The following WWTR1 variants were observed in gnomAD, a reference collection of about 807,000 sequenced individuals.
WWTR1 encodes the protein WW domain-containing transcription regulator protein 1.
Under a neutral mutation model 40.1 loss-of-function variants are expected in WWTR1, and 13 were observed. That is an observed-to-expected ratio of 0.32 (90% CI 0.21 to 0.52). The LOEUF is 0.52. Among genes scored for constraint, WWTR1 ranks in the 20% least tolerant of loss-of-function variants. WWTR1 has a pLI of 0.97. For synonymous variants in WWTR1, 230 were observed against 210.1 expected (o/e 1.09, Z -0.82); for missense variants, 436 against 523.1 (o/e 0.83, Z 1.63).
At chr3:149,715,893 C>T (rs1715596684) in intron 5 of WWTR1, among the ~76,000 whole-genome samples, 1 of 152,052 alleles carries the variant, frequency 6.6e-6, no homozygotes, top group African/African-American at 2.4e-5. Flanking sequence ...ACATATTTAA[C>T]TGGATAAAAA....
intron 2 of WWTR1, among the ~76,000 whole-genome samples, chr3:149,653,325 A>G (rs1713007579): frequency 1.3e-5 from 2 of 152,218 alleles, no homozygotes; most frequent in Non-Finnish European, 2.9e-5. Flanking sequence ...AGGTTGCCCA[A>G]CACCCCAGCC....
At chr3:149,564,112 G>A (rs138153021) in intron 3 of WWTR1, among the ~76,000 whole-genome samples, 2 of 152,290 alleles carry the variant, frequency 1.3e-5, no homozygotes, top group African/African-American at 4.8e-5. Context: ...AGTCATCTGA[G>A]CACTCGAAAA....
At chr3:149,686,163 A>C (rs1191083308) in intron 1 of WWTR1, among the ~76,000 whole-genome samples, 2 of 152,186 alleles carry the variant, frequency 1.3e-5, no homozygotes, top group African/African-American at 4.8e-5. Context: ...TGTTTGGCTG[A>C]TGCAGTGCCC....
rs1015836236 is a variant in WWTR1, at chr3:149,533,850, A to G, written c.772-5881T>C. Among the ~76,000 whole-genome samples the G allele has an allele frequency of 1.1e-4, 17 of 152,120 alleles. No individual in the cohort carries two copies. In the South Asian group the frequency reaches 3.5e-3, roughly 32 times the overall value. The stretch of plus-strand genomic sequence containing the variant: ...TATAATGGACCTGGCACATTGACGC[A>G]GTTAACAGAACAAGCTGCTGATAGT... On this transcript the variant is annotated intron_variant, in intron 4 of 6. Coordinates refer to ENST00000360632, the MANE Select transcript of WWTR1 (RefSeq NM_015472.6).
intron 2 of WWTR1, among the ~76,000 whole-genome samples, chr3:149,630,122 A>C (rs578169442): frequency 7.8e-4 from 119 of 152,218 alleles, no homozygotes; most frequent in Non-Finnish European, 1.2e-3. Flanking sequence ...CTGGGATTAC[A>C]GGTGTGAGCC....
At chr3:149,680,333 C>G (rs1411210542) in intron 1 of WWTR1, among the ~76,000 whole-genome samples, 2 of 152,164 alleles carry the variant, frequency 1.3e-5, no homozygotes, top group African/African-American at 4.8e-5. Flanking sequence ...CACCTGAGGT[C>G]AGGAGTTCAA....
intron 2 of WWTR1, among the ~76,000 whole-genome samples, chr3:149,583,163 A>G (rs1221160783): frequency 5.3e-5 from 8 of 152,138 alleles, no homozygotes; most frequent in African/African-American, 1.9e-4. Flanking sequence ...GCAGGGTTTC[A>G]CCATGTTGGC....
intron 2 of WWTR1, among the ~76,000 whole-genome samples, chr3:149,599,420 C>T (rs1342986636): frequency 6.6e-6 from 1 of 152,222 alleles, no homozygotes; most frequent in African/African-American, 2.4e-5. Flanking sequence ...TTGCAAATGG[C>T]TGGGAAATAT....
intron 4 of WWTR1, among the ~76,000 whole-genome samples, chr3:149,536,704 T>C (rs1484221284): frequency 1.3e-5 from 2 of 151,082 alleles, no homozygotes; most frequent in African/African-American, 4.9e-5. Flanking sequence ...CCAGGCTTAG[T>C]CAGCATTTTT....
intron 2 of WWTR1, among the ~76,000 whole-genome samples, chr3:149,626,669 A>ACT: frequency 1.3e-5 from 2 of 152,146 alleles, no homozygotes; most frequent in African/African-American, 4.8e-5. Context: ...AAGGGAAGAT[A>ACT]CCAGAGGTAT....
intron 2 of WWTR1, among the ~76,000 whole-genome samples, chr3:149,616,589 CG>C (rs369069997): frequency 0.031 from 4,694 of 152,042 alleles, 245 homozygotes; most frequent in East Asian, 0.22. Context: ...ATTACAGGGA[CG>C]TGCCACCACA....
chr3:149,589,670 A>G (rs1230740756), intron 2 of WWTR1, among the ~76,000 whole-genome samples: 1 of 150,270 alleles, frequency 6.7e-6, no homozygotes, highest in Non-Finnish European at 1.5e-5. Context: ...TAATGGTGTT[A>G]AAATGAAAGG....
intron 3 of WWTR1, among the ~76,000 whole-genome samples, chr3:149,554,499 C>T (rs1279408743): frequency 6.6e-6 from 1 of 152,194 alleles, no homozygotes; most frequent in Admixed American, 6.5e-5. Flanking sequence ...ATCTAGGCAA[C>T]TCTCCTTTTT....
chr3:149,576,219 G>A (rs1576573152), intron 2 of WWTR1: 1 of 402,044 alleles, frequency 2.5e-6, no homozygotes, highest in East Asian at 7.2e-5. Flanking sequence ...CAACAAGTAA[G>A]AGTGAGCTAT....
intron 4 of WWTR1, among the ~76,000 whole-genome samples, chr3:149,538,787 C>A (rs1482464909): frequency 2.0e-5 from 3 of 152,156 alleles, no homozygotes; most frequent in African/African-American, 7.2e-5. Flanking sequence ...AGCCACTGGG[C>A]CCCTGTGAAG....
At chr3:149,704,394 A>G (rs1447274466), upstream of WWTR1, among the ~76,000 whole-genome samples, 1 of 152,194 alleles carries the variant, frequency 6.6e-6, no homozygotes, top group Non-Finnish European at 1.5e-5. Context: ...AGGCTACCCC[A>G]AAAGCCTCCC....
intron 1 of WWTR1, among the ~76,000 whole-genome samples, chr3:149,695,435 CTACT>C (rs1234409016): frequency 6.6e-6 from 1 of 151,842 alleles, no homozygotes; most frequent in African/African-American, 2.4e-5. Flanking sequence ...ATATATGTAC[CTACT>C]ATGTACTCAT....
intron 2 of WWTR1, among the ~76,000 whole-genome samples, chr3:149,623,558 GTCTTTC>G (rs1227842964): frequency 5.3e-5 from 8 of 152,178 alleles, no homozygotes; most frequent in African/African-American, 1.9e-4. Flanking sequence ...AATATATGTT[GTCTTTC>G]TTTCTGATGA....
chr3:149,546,776 A>G (rs536514314), intron 3 of WWTR1, among the ~76,000 whole-genome samples: 38 of 152,332 alleles, frequency 2.5e-4, no homozygotes, highest in African/African-American at 8.9e-4. Context: ...AATTATCTGA[A>G]AAACAACAAA....
Sources: allele counts gnomAD v4.1 joint callset (sites outside exome capture counted in the v4.1 genomes callset), GRCh38; gene constraint gnomAD v4.1.1; transcripts MANE v1.5; gene names NCBI Gene and HGNC (gene_info 2026-07-23, HGNC 2026-07-21).